The following DENND1A variants were observed in gnomAD, a reference collection of about 807,000 sequenced individuals.
DENND1A encodes the protein DENN domain-containing protein 1A.
Under a neutral mutation model 113.7 loss-of-function variants are expected in DENND1A, and 51 were observed. That is an observed-to-expected ratio of 0.45 (90% CI 0.36 to 0.57). DENND1A has a LOEUF of 0.57. Ranked by LOEUF, DENND1A falls within the 20% of genes least tolerant of loss-of-function variation. DENND1A has a pLI of 0.00. For synonymous variants in DENND1A, 565 were observed against 570.8 expected (o/e 0.99, Z 0.14); for missense variants, 1,258 against 1,395.9 (o/e 0.90, Z 1.57).
At chr9:123,844,613 C>G (rs650338) in intron 2 of DENND1A, among the ~76,000 whole-genome samples, 44,207 of 151,994 alleles carry the variant, frequency 0.29, 10,242 homozygotes, top group African/African-American at 0.65. Context: ...TCATGGATTG[C>G]AACACAATAT....
At chr9:123,593,413 A>C (rs1472976608) in intron 11 of DENND1A, among the ~76,000 whole-genome samples, 1 of 152,196 alleles carries the variant, frequency 6.6e-6, no homozygotes, top group African/African-American at 2.4e-5. Flanking sequence ...CACCCAAGGC[A>C]GCACCTCTGA....
At chr9:123,393,134 C>A (rs1057205157) in intron 21 of DENND1A, among the ~76,000 whole-genome samples, 1 of 152,120 alleles carries the variant, frequency 6.6e-6, no homozygotes. Flanking sequence ...ATTCTGTAGC[C>A]CTCCTGAGAG....
At chr9:123,444,655 C>CAAAAT (rs1201001634) in intron 18 of DENND1A, among the ~76,000 whole-genome samples, 27 of 152,040 alleles carry the variant, frequency 1.8e-4, no homozygotes, top group African/African-American at 6.0e-4. Flanking sequence ...TAAAACAAAA[C>CAAAAT]AAAATAAAAT....
chr9:123,712,597 C>T (rs756996804), intron 5 of DENND1A, among the ~76,000 whole-genome samples: 55 of 152,296 alleles, frequency 3.6e-4, no homozygotes, highest in Non-Finnish European at 6.8e-4. Context: ...ACCACCATGA[C>T]GACAATGACA....
intron 1 of DENND1A, among the ~76,000 whole-genome samples, chr9:123,927,145 T>C (rs1014304670): frequency 2.6e-5 from 4 of 152,204 alleles, no homozygotes; most frequent in Admixed American, 2.6e-4. Context: ...ATTTCCACGG[T>C]ACCTGACAGA....
chr9:123,385,518 G>A (rs2042517869), intron 22 of DENND1A, among the ~76,000 whole-genome samples: 1 of 152,156 alleles, frequency 6.6e-6, no homozygotes, highest in Non-Finnish European at 1.5e-5. Flanking sequence ...TACGTCAGGC[G>A]GAGATGGTGC....
intron 21 of DENND1A, among the ~76,000 whole-genome samples, chr9:123,395,924 C>T (rs938095126): frequency 6.6e-6 from 1 of 152,006 alleles, no homozygotes; most frequent in African/African-American, 2.4e-5. Context: ...CGGATGTGGT[C>T]CAGGAGTTGG....
At chr9:123,736,034 G>T (rs2130965196) in intron 5 of DENND1A, among the ~76,000 whole-genome samples, 1 of 152,178 alleles carries the variant, frequency 6.6e-6, no homozygotes, top group South Asian at 2.1e-4. Flanking sequence ...AATCACTGAA[G>T]CTAGCTAGTT....
At chr9:123,715,169 G>A (rs550236193) in intron 5 of DENND1A, among the ~76,000 whole-genome samples, 64 of 148,502 alleles carry the variant, frequency 4.3e-4, no homozygotes, top group African/African-American at 1.6e-3. Context: ...GGGTGACAGA[G>A]ACTCTGTCTC....
At chr9:123,865,164 A>T (rs1411128712) in intron 2 of DENND1A, among the ~76,000 whole-genome samples, 1 of 152,160 alleles carries the variant, frequency 6.6e-6, no homozygotes, top group Admixed American at 6.5e-5. Context: ...TGTGTAATTA[A>T]AAAAAAGCTT....
chr9:123,586,798 C>T (rs148116367), intron 11 of DENND1A, among the ~76,000 whole-genome samples: 8 of 152,174 alleles, frequency 5.3e-5, no homozygotes, highest in African/African-American at 9.6e-5. Flanking sequence ...AAAGCCAGAC[C>T]GTCGCCAGGT....
intron 21 of DENND1A, chr9:123,401,628 T>C: frequency 6.9e-7 from 1 of 1,439,040 alleles, no homozygotes; most frequent in East Asian, 2.5e-5. Context: ...CCAAATATTT[T>C]CCAACAGAAG....
At chr9:123,800,636 A>G (rs1206180824) in intron 2 of DENND1A, among the ~76,000 whole-genome samples, 4 of 152,182 alleles carry the variant, frequency 2.6e-5, no homozygotes, top group Non-Finnish European at 5.9e-5. Flanking sequence ...TAACTACAAC[A>G]TGTTTTCATG....
chr9:123,380,497 A>G lies in DENND1A; in HGVS notation c.*935T>C, dbSNP rs2042221493. 1 of 152,410 alleles carries G rather than the reference A, an allele frequency of 6.6e-6. No individual in the cohort carries two copies. The highest frequency in any genetic ancestry group is 1.5e-5 in the Non-Finnish European group (1 of 68,034). The allele number at this position is 152,410 out of a possible 1,614,324, so 9.4% of individuals were successfully genotyped here. On this transcript the variant is annotated 3_prime_UTR_variant, in exon 24 of 24. Coordinates refer to ENST00000394215, the MANE Select transcript of DENND1A (RefSeq NM_001352964.2). ...GGCCACTGCCTCGTTCCAACCCAGG[A>G]AGGCCAGCTGCCTTCCACATCAGTC...
chr9:123,929,969 G>T lies in DENND1A; in HGVS notation c.-64C>A. On this transcript the variant is annotated 5_prime_UTR_variant, in exon 1 of 24. Coordinates refer to ENST00000394215, the MANE Select transcript of DENND1A (RefSeq NM_001352964.2). ...GGCGCTGCGCTGCCCGCCCGCCCGC[G>T]GCCGACCGGCCTCCCTCTGGCGCTC... is the stretch of plus-strand genomic sequence containing the variant. 3.7e-6 allele frequency: 1 copy of T among 268,564 alleles called. No individual in the cohort carries two copies. Among genetic ancestry groups the T allele is most frequent in the South Asian group, 1.1e-4 (1 of 8,956 alleles). 16.6% of individuals were successfully genotyped at this position (268,564 alleles called of 1,614,324 possible). A position where few individuals can be genotyped will look rare whatever the true frequency, so the allele number is the denominator to read the frequency against.
chr9:123,898,445 C>T (rs999252109), intron 1 of DENND1A, among the ~76,000 whole-genome samples: 13 of 152,160 alleles, frequency 8.5e-5, no homozygotes, highest in African/African-American at 2.7e-4. Flanking sequence ...TCTTCCCCTT[C>T]AGCCTCCCAA....
intron 2 of DENND1A, 138 bp from the exon 3 acceptor site, chr9:123,792,768 T>C (rs982406183): frequency 1.2e-6 from 1 of 850,894 alleles, no homozygotes; most frequent in Non-Finnish European, 1.8e-6. Flanking sequence ...GCTATGTTGA[T>C]GAGCACAAGG....
chr9:123,607,374 AT>A (rs2060200607), intron 11 of DENND1A, among the ~76,000 whole-genome samples: 1 of 149,534 alleles, frequency 6.7e-6, no homozygotes, highest in African/African-American at 2.5e-5. Context: ...TTCAGCCATG[AT>A]CAGTGTGTTC....
chr9:123,432,800 G>C (rs1053763001), intron 19 of DENND1A, among the ~76,000 whole-genome samples: 1 of 152,204 alleles, frequency 6.6e-6, no homozygotes, highest in African/African-American at 2.4e-5. Context: ...CTTTCCACAT[G>C]TTTGACTCAG....
Sources: gnomAD v4.1 joint callset for allele counts (sites outside exome capture counted in the v4.1 genomes callset) on GRCh38, gnomAD v4.1.1 for gene constraint, MANE v1.5 for transcripts, NCBI Gene and HGNC (gene_info 2026-07-23, HGNC 2026-07-21) for gene names.